The following ACER3 variants were observed in gnomAD, a reference collection of about 807,000 sequenced individuals.
The protein encoded by ACER3 is alkCDase 3.
In ACER3, 16 loss-of-function variants were observed where a neutral mutation model predicts 48.9. The observed-to-expected ratio is 0.33, with a 90% CI of 0.22 to 0.50. The LOEUF (loss-of-function observed/expected upper bound fraction) is 0.50, where lower values mean the gene tolerates loss of function less well. Ranked by LOEUF, ACER3 falls within the 20% of genes least tolerant of loss-of-function variation. The pLI, the probability that ACER3 is intolerant of heterozygous loss-of-function variation, is 0.98. For synonymous variants in ACER3, 109 were observed against 107.8 expected (o/e 1.01, Z -0.07); for missense variants, 227 against 326.0 (o/e 0.70, Z 2.34).
rs1380943979 is a variant in ACER3, at chr11:77,021,766, G to A, written c.*1439G>A. On this transcript the variant is annotated 3_prime_UTR_variant, in exon 11 of 11. Coordinates refer to ENST00000532485, the MANE Select transcript of ACER3 (RefSeq NM_018367.7). ...TTCCAGTATTCAATAAGTAGCCTTT[G>A]TACAAATTTAAAACCAAAAACTATT... 6.6e-6 allele frequency: 1 copy of A among 152,078 alleles called. No homozygotes were observed. Among genetic ancestry groups the A allele is most frequent in the African/African-American group, 2.4e-5 (1 of 41,400 alleles). 9.4% of individuals were successfully genotyped at this position (152,078 alleles called of 1,614,324 possible). A position where few individuals can be genotyped will look rare whatever the true frequency, so the allele number is the denominator to read the frequency against.
At chr11:76,998,865 G>A (rs782449419) in intron 7 of ACER3, 44 bp downstream of exon 7, 6 of 1,437,560 alleles carry the variant, frequency 4.2e-6, no homozygotes, top group Non-Finnish European at 5.7e-6. Flanking sequence ...AGTATATTCA[G>A]ACCTATAACA....
At chr11:76,964,271 C>T (rs1323525160) in intron 3 of ACER3, among the ~76,000 whole-genome samples, 4 of 151,496 alleles carry the variant, frequency 2.6e-5, no homozygotes, top group East Asian at 1.9e-4. Context: ...GGGGGAGGGG[C>T]GCCTGCCATT....
At chr11:76,875,334 G>A (rs550371544) in intron 1 of ACER3, among the ~76,000 whole-genome samples, 4 of 151,698 alleles carry the variant, frequency 2.6e-5, no homozygotes, top group African/African-American at 7.2e-5. Flanking sequence ...GACTGGTCTC[G>A]ATCTCCTTAC....
intron 3 of ACER3, among the ~76,000 whole-genome samples, chr11:76,963,096 C>T (rs1358301508): frequency 1.3e-5 from 2 of 151,216 alleles, no homozygotes; most frequent in Non-Finnish European, 2.9e-5. Flanking sequence ...GCAGGCAAGG[C>T]AGGAAAAGTC....
chr11:76,987,792 T>A (rs1455815361), intron 5 of ACER3, among the ~76,000 whole-genome samples: 1 of 152,086 alleles, frequency 6.6e-6, no homozygotes, highest in Non-Finnish European at 1.5e-5. Context: ...TTTTAAAAAT[T>A]AGCTGGATGT....
chr11:77,001,925 G>A (rs7124061), intron 7 of ACER3, among the ~76,000 whole-genome samples: 8,986 of 152,108 alleles, frequency 0.059, 288 homozygotes, highest in Middle Eastern at 0.13. Flanking sequence ...TGAGACTAGG[G>A]TGTCAGCAGG....
At chr11:76,929,859 G>C (rs1212517445) in intron 2 of ACER3, among the ~76,000 whole-genome samples, 2 of 152,206 alleles carry the variant, frequency 1.3e-5, no homozygotes, top group Admixed American at 1.3e-4. Context: ...TGTGCTGCTG[G>C]ATTTGGTTTG....
chr11:77,010,559 G>A (rs1302573710), intron 7 of ACER3, among the ~76,000 whole-genome samples: 24 of 151,960 alleles, frequency 1.6e-4, no homozygotes, highest in Admixed American at 1.4e-3. Flanking sequence ...AGAGAAAATG[G>A]AAGAGAGGCA....
Position 77,015,089 on chromosome 11 carries a change from A to G in ACER3, c.571A>G (p.Ile191Val), listed in dbSNP as rs782204442. ...IFLLGFLFWN[I>V]DNIFCESLRN... ...TTTATTGGGATTTTTATTTTGGAAT[A>G]TAGATAACATATTTTGTGAGTCACT... is the stretch of plus-strand genomic sequence containing the variant. Residue 191 changes from isoleucine (I) to valine (V), a missense_variant, in exon 8 of 11, where the codon ATA becomes GTA. By Grantham distance (29) the Ile-to-Val change is conservative (BLOSUM62 3). This residue lies in a region of ACER3 where 195 missense variants were observed against 290.8 expected (regional missense o/e 0.67). Transcript: ENST00000532485. 5.7e-6 allele frequency: 9 copies of G among 1,565,262 alleles called. No homozygotes were observed. The highest frequency in any genetic ancestry group is 6.2e-6 in the Non-Finnish European group (7 of 1,136,082).
chr11:77,011,871 C>A (rs1254155205), intron 7 of ACER3, among the ~76,000 whole-genome samples: 12 of 152,046 alleles, frequency 7.9e-5, no homozygotes, highest in African/African-American at 2.7e-4. Flanking sequence ...AATTCAACAC[C>A]TATTTATGTT....
chr11:76,902,624 AGC>A (rs1336884120), intron 1 of ACER3, among the ~76,000 whole-genome samples: 1 of 152,230 alleles, frequency 6.6e-6, no homozygotes, highest in East Asian at 1.9e-4. Context: ...GAGCACTTCT[AGC>A]ATCACTAGTG....
intron 2 of ACER3, among the ~76,000 whole-genome samples, chr11:76,943,555 T>C (rs1054991395): frequency 8.5e-5 from 13 of 152,202 alleles, no homozygotes; most frequent in African/African-American, 2.6e-4. Flanking sequence ...TTAAAAATTT[T>C]AAGACTTATT....
At chr11:76,864,596 A>ATTTTTTTTTTTTTTTTTTTTTTTT (rs772026324) in intron 1 of ACER3, among the ~76,000 whole-genome samples, 1 of 99,926 alleles carries the variant, frequency 1.0e-5, no homozygotes. Flanking sequence ...TGGAATGGGT[A>ATTTTTTTTTTTTTTTTTTTTTTTT]TTTTTTTTTT....
intron 2 of ACER3, among the ~76,000 whole-genome samples, chr11:76,934,549 G>A (rs1386973466): frequency 3.9e-5 from 6 of 152,260 alleles, no homozygotes; most frequent in Non-Finnish European, 5.9e-5. Context: ...CCAGTCAGGC[G>A]TGGCGTGCGC....
intron 5 of ACER3, 127 bp downstream of exon 5, chr11:76,985,851 T>G (rs1385282725): frequency 6.0e-6 from 3 of 502,674 alleles, no homozygotes; most frequent in Non-Finnish European, 6.8e-6. Flanking sequence ...AACAAGAATA[T>G]CACACTGACA....
At chr11:76,934,609 G>A (rs925761559) in intron 2 of ACER3, among the ~76,000 whole-genome samples, 27 of 152,244 alleles carry the variant, frequency 1.8e-4, no homozygotes, top group African/African-American at 6.3e-4. Context: ...CAGGCAGGGA[G>A]GTTGCAGTGA....
intron 2 of ACER3, among the ~76,000 whole-genome samples, chr11:76,940,022 G>C (rs1947295039): frequency 6.6e-6 from 1 of 152,198 alleles, no homozygotes; most frequent in Non-Finnish European, 1.5e-5. Context: ...GATCATGTAA[G>C]AGAATGTCCA....
intron 2 of ACER3, among the ~76,000 whole-genome samples, chr11:76,946,312 G>T (rs1035795238): frequency 2.0e-5 from 3 of 151,752 alleles, no homozygotes; most frequent in Admixed American, 6.6e-5. Context: ...GGAGGGAAGG[G>T]TGCATCTTAG....
chr11:76,860,995 C>A lies in ACER3; in HGVS notation c.19C>A (p.Arg7=). The A allele has an allele frequency of 6.5e-7, 1 of 1,541,680 alleles. No homozygotes were observed. The highest frequency in any genetic ancestry group is 8.7e-7 in the Non-Finnish European group (1 of 1,144,022). The change falls in exon 1 of 11, where the codon CGA becomes AGA. Residue 7 remains arginine, a synonymous_variant. Coordinates refer to ENST00000532485, the MANE Select transcript of ACER3 (RefSeq NM_018367.7). ...CGGCGTGATGGCTCCGGCCGCGGAC[C>A]GAGAGGGCTACTGGGGCCCCACGAC... MAPAAD[R]EGYWGPTTST... is the part of the protein sequence containing the mutation.
Sources: gnomAD v4.1 joint callset for allele counts (sites outside exome capture counted in the v4.1 genomes callset) on GRCh38, gnomAD v4.1.1 for gene constraint, gnomAD v4.1.1 regional missense constraint, MANE v1.5 for transcripts, NCBI Gene and HGNC (gene_info 2026-07-23, HGNC 2026-07-21) for gene names.